The following ACER1 variants were observed in gnomAD, a reference collection of about 807,000 sequenced individuals.
ACER1 encodes the protein CTB-180A7.3.
Under a neutral mutation model 24.9 loss-of-function variants are expected in ACER1, and 28 were observed. That is an observed-to-expected ratio of 1.13 (90% CI 0.83 to 1.54). The LOEUF (loss-of-function observed/expected upper bound fraction) is 1.54, where lower values mean the gene tolerates loss of function less well. Among genes scored for constraint, ACER1 ranks in the 40% most tolerant of loss-of-function variants. ACER1 has a pLI of 0.00. For missense variants in ACER1, 352 were observed against 349.3 expected, an observed-to-expected ratio of 1.01 and a Z score of -0.06; for synonymous variants, 132 against 131.4, an observed-to-expected ratio of 1.00 and a Z score of -0.03.
the ACER1 span, among the ~76,000 whole-genome samples, chr19:6,359,247 T>C: frequency 6.6e-5 from 10 of 151,162 alleles, no homozygotes; most frequent in Non-Finnish European, 1.5e-4. Flanking sequence ...AAAAAAAGAG[T>C]CTACCGCTTA....
chr19:6,332,265 C>CATT (rs1568313992), intron 1 of ACER1, among the ~76,000 whole-genome samples: 1 of 131,676 alleles, frequency 7.6e-6, no homozygotes, highest in Non-Finnish European at 1.6e-5. Flanking sequence ...CCGCGCCCGG[C>CATT]CTTTTTTTTT....
the ACER1 span, among the ~76,000 whole-genome samples, chr19:6,348,772 G>A: frequency 1.3e-5 from 2 of 151,808 alleles, no homozygotes; most frequent in Admixed American, 6.6e-5. Context: ...AAAGAAGCAC[G>A]GCAGGCTGGG....
At chr19:6,339,447 G>T in the ACER1 span, among the ~76,000 whole-genome samples, 3 of 151,942 alleles carry the variant, frequency 2.0e-5, no homozygotes, top group Non-Finnish European at 4.4e-5. Flanking sequence ...AGAACGGGGG[G>T]TATGAGGGGC....
chr19:6,345,366 G>A, the ACER1 span, among the ~76,000 whole-genome samples: 1 of 151,986 alleles, frequency 6.6e-6, no homozygotes, highest in Non-Finnish European at 1.5e-5. Flanking sequence ...ACGGAGGTGT[G>A]GAATGGTTTC....
At chr19:6,344,422 A>G in the ACER1 span, among the ~76,000 whole-genome samples, 9 of 151,938 alleles carry the variant, frequency 5.9e-5, no homozygotes, top group Non-Finnish European at 1.2e-4. Flanking sequence ...ATCTTGGGCA[A>G]CAAGAGCAAA....
the ACER1 span, among the ~76,000 whole-genome samples, chr19:6,339,050 C>T: frequency 0.05 from 7,537 of 151,556 alleles, 284 homozygotes; most frequent in African/African-American, 0.11. Flanking sequence ...CTAATTTTTA[C>T]ATTTTTAGTA....
upstream of ACER1, chr19:6,333,714 C>T: frequency 5.2e-6 from 3 of 580,032 alleles, no homozygotes; most frequent in Non-Finnish European, 9.2e-6. Context: ...ACCAGGGCAG[C>T]CTGGCTGTGC....
At chr19:6,321,168 C>T (rs557229450) in intron 1 of ACER1, among the ~76,000 whole-genome samples, 2 of 151,626 alleles carry the variant, frequency 1.3e-5, no homozygotes, top group African/African-American at 4.8e-5. Flanking sequence ...CCAAGTCTCA[C>T]TCTGTCGCCC....
the ACER1 span, among the ~76,000 whole-genome samples, chr19:6,359,941 T>A: frequency 1.3e-5 from 2 of 152,302 alleles, no homozygotes; most frequent in African/African-American, 4.8e-5. Flanking sequence ...CAGGCACTAT[T>A]CTAGACTTTG....
chr19:6,316,122 C>T (rs978374953), intron 1 of ACER1, among the ~76,000 whole-genome samples: 4 of 151,370 alleles, frequency 2.6e-5, no homozygotes, highest in Admixed American at 6.6e-5. Context: ...AACGAGACTC[C>T]GTCTCAAAAA....
intron 1 of ACER1, among the ~76,000 whole-genome samples, chr19:6,332,948 C>G (rs116902997): frequency 6.6e-6 from 1 of 152,028 alleles, no homozygotes; most frequent in Non-Finnish European, 1.5e-5. Flanking sequence ...GGATTACAGA[C>G]GTGAGCCACC....
In ACER1 at chr19:6,312,517, A is replaced by G. The variant is rs538457017; in HGVS notation, c.94-18T>C. 4.4e-6 allele frequency: 7 copies of G among 1,602,946 alleles called. No homozygotes were observed. The South Asian group carries it at 6.6e-5, about 15-fold the overall frequency. ...TTGGAGAACTGGAGCAGAGAGAGCC[A>G]TAGGGAGGAGCTCGTCAGATAGGGG... is the stretch of plus-strand genomic sequence containing the variant. On this transcript the variant is annotated intron_variant, in intron 1 of 5. Transcript: ENST00000301452.
At chr19:6,313,747 A>G (rs955756710) in intron 1 of ACER1, among the ~76,000 whole-genome samples, 1 of 152,188 alleles carries the variant, frequency 6.6e-6, no homozygotes, top group Non-Finnish European at 1.5e-5. Flanking sequence ...ATACTGTGTG[A>G]CTTCTGAGGT....
the ACER1 span, among the ~76,000 whole-genome samples, chr19:6,341,832 G>T: frequency 0.34 from 51,794 of 151,882 alleles, 15,016 homozygotes; most frequent in African/African-American, 0.79. Context: ...GGTTTCACCA[G>T]GTTGGCCAGG....
chr19:6,359,276 A>G, the ACER1 span, among the ~76,000 whole-genome samples: 1 of 151,726 alleles, frequency 6.6e-6, no homozygotes, highest in Non-Finnish European at 1.5e-5. Flanking sequence ...TAAACTTCTT[A>G]TACATCAAAA....
Position 6,307,170 on chromosome 19 carries a change from G to A in ACER1, c.609C>T (p.Phe203=), listed in dbSNP as rs755099727. ...GTGCTTACCAGATGCTGTGCAGATA[G>A]AAGAAATGAATCCTCTGCCAGAAGC... ...LCSFWQRIHF[F]YLHSIWHVLI... is the part of the protein sequence containing the mutation. The change falls in exon 5 of 6, where the codon TTC becomes TTT. Residue 203 remains phenylalanine (F), a synonymous_variant. Transcript: ENST00000301452. 7 of 1,613,966 alleles carry A rather than the reference G, an allele frequency of 4.3e-6. No individual in the cohort carries two copies. The highest frequency in any genetic ancestry group is 1.3e-5 in the African/African-American group (1 of 74,922).
chr19:6,334,608 A>C (rs995321090), upstream of ACER1, among the ~76,000 whole-genome samples: 1 of 152,060 alleles, frequency 6.6e-6, no homozygotes, highest in Non-Finnish European at 1.5e-5. Flanking sequence ...TGGCCTCCCA[A>C]GGTGCCGGGA....
At chr19:6,354,551 A>AT in the ACER1 span, among the ~76,000 whole-genome samples, 1 of 152,198 alleles carries the variant, frequency 6.6e-6, no homozygotes, top group African/African-American at 2.4e-5. Context: ...AATAAGTTTC[A>AT]TTTTATAAGA....
At chr19:6,310,199 T>C (rs1039004745) in intron 3 of ACER1, among the ~76,000 whole-genome samples, 1 of 151,918 alleles carries the variant, frequency 6.6e-6, no homozygotes, top group Non-Finnish European at 1.5e-5. Flanking sequence ...GCCATTCTCC[T>C]GCCTCAGCCT....
Sources: allele counts gnomAD v4.1 joint callset (sites outside exome capture counted in the v4.1 genomes callset), GRCh38; gene constraint gnomAD v4.1.1; transcripts MANE v1.5; gene names NCBI Gene and HGNC (gene_info 2026-07-23, HGNC 2026-07-21).